ZBTB40: variants seen among roughly 807,000 people sequenced by gnomAD.
ZBTB40 encodes the protein zinc finger and BTB domain-containing protein 40.
A neutral mutation model predicts 117.5 loss-of-function variants in ZBTB40; 60 were observed. The ratio of observed to expected loss-of-function variants is 0.51; its 90% CI spans 0.41 to 0.63. ZBTB40 has a LOEUF of 0.63. Among genes scored for constraint, ZBTB40 ranks in the 30% least tolerant of loss-of-function variants. The pLI is 0.00. For missense variants in ZBTB40, 1,287 were observed against 1,498.5 expected, an observed-to-expected ratio of 0.86 and a Z score of 2.33; for synonymous variants, 525 against 577.1, an observed-to-expected ratio of 0.91 and a Z score of 1.29.
In ZBTB40 at chr1:22,517,296, G is replaced by C; in HGVS notation, c.2669-4G>C. The stretch of plus-strand genomic sequence containing the variant: ...GACTCTAATAAGCTCCTGTGTATTT[G>C]CAGGGAAAATGTATGCATGCCAGTA... On this transcript the variant is annotated splice_region_variant and splice_polypyrimidine_tract_variant and intron_variant, in intron 12 of 17. Coordinates refer to ENST00000375647, the MANE Select transcript of ZBTB40 (RefSeq NM_014870.4). 1 of 1,613,978 alleles carries C rather than the reference G, an allele frequency of 6.2e-7. No homozygotes were observed. The highest frequency in any genetic ancestry group is 8.5e-7 in the Non-Finnish European group (1 of 1,180,022).
intron 1 of ZBTB40, among the ~76,000 whole-genome samples, chr1:22,469,996 G>C (rs1471893524): frequency 6.6e-6 from 1 of 152,180 alleles, no homozygotes; most frequent in African/African-American, 2.4e-5. Context: ...TGATAAACAG[G>C]CTGTATAACC....
chr1:22,496,287 C>T (rs1010154049), intron 3 of ZBTB40, among the ~76,000 whole-genome samples: 3 of 152,184 alleles, frequency 2.0e-5, no homozygotes, highest in African/African-American at 7.2e-5. Flanking sequence ...GGGAATTTCA[C>T]TGGGGATTCA....
At position 22,491,380 on chromosome 1, in the gene ZBTB40, T is replaced by G. The variant is rs778074628; in HGVS notation, c.698-20T>G. 1.2e-6 allele frequency: 2 copies of G among 1,612,998 alleles called. No homozygotes were observed. The highest frequency in any genetic ancestry group is 8.5e-7 in the Non-Finnish European group (1 of 1,179,550). On this transcript the variant is annotated intron_variant, in intron 2 of 17. Coordinates refer to ENST00000375647, the MANE Select transcript of ZBTB40 (RefSeq NM_014870.4). Reference sequence around the variant, plus strand: ...TCAAGTAATGAATTTCTGATTTGTTTTATTTTGTTCTACATTTAGGATGTG... The same window carrying G: ...TCAAGTAATGAATTTCTGATTTGTTGTATTTTGTTCTACATTTAGGATGTG...
chr1:22,492,472 G>A (rs1200604214), intron 3 of ZBTB40, among the ~76,000 whole-genome samples: 1 of 152,176 alleles, frequency 6.6e-6, no homozygotes, highest in Non-Finnish European at 1.5e-5. Flanking sequence ...TTTTCTCCCA[G>A]CCCTGCTTCC....
In ZBTB40 at chr1:22,512,081, A is replaced by G. The variant is rs772279060; in HGVS notation, c.2408A>G (p.Lys803Arg). Residue 803 changes from lysine to arginine, a missense_variant, in exon 11 of 18, where the codon AAG (lysine) becomes AGG (arginine). Physicochemically the swap from Lys to Arg is conservative, Grantham distance 26. This residue lies in a region of ZBTB40 where 417 missense variants were observed against 564.1 expected (regional missense o/e 0.74). Transcript: ENST00000375647. ...GEPDAPKKKKKRLPVTCDLCG... is the reference protein window; with the variant it reads ...GEPDAPKKKKRRLPVTCDLCG... ...CCCGATGCCCCCAAGAAGAAGAAGA[A>G]GAGGCTTCCAGTGACATGTGACCTC... 1 of 1,613,836 alleles carries G rather than the reference A, an allele frequency of 6.2e-7. No individual in the cohort carries two copies.
chr1:22,492,623 A>G (rs1052136709), intron 3 of ZBTB40, among the ~76,000 whole-genome samples: 4 of 152,212 alleles, frequency 2.6e-5, no homozygotes, highest in African/African-American at 9.6e-5. Flanking sequence ...CATGCCTTCT[A>G]ATAATTAAAT....
intron 15 of ZBTB40, 140 bp downstream of exon 15, chr1:22,521,798 C>G (rs1318907318): frequency 4.0e-6 from 5 of 1,260,280 alleles, no homozygotes; most frequent in Non-Finnish European, 5.7e-6. Context: ...GCGCACCTGT[C>G]CGTAGCAGCA....
rs775372032 is a variant in ZBTB40, at chr1:22,511,191, C to T, written c.1846C>T (p.Pro616Ser). The change falls in exon 10 of 18, where the codon CCC (proline) becomes TCC (serine). Residue 616 changes from proline to serine, a missense_variant. Transcript: ENST00000375647. The stretch of plus-strand genomic sequence containing the variant: ...GGTATTCATTTAGATTCTGAGCATT[C>T]CCTCTGAGACAGCCAGCCCTGAAGC... ...AETVKEILSI[P>S]SETASPEASL... 1.9e-6 allele frequency: 3 copies of T among 1,612,968 alleles called. No individual in the cohort carries two copies. The South Asian group carries it at 3.3e-5, about 18-fold the overall frequency.
chr1:22,448,137 A>G (rs1640810468), upstream of ZBTB40, among the ~76,000 whole-genome samples: 1 of 152,226 alleles, frequency 6.6e-6, no homozygotes, highest in Non-Finnish European at 1.5e-5. Context: ...AAACTGAGGA[A>G]AGAACCAGCT....
At chr1:22,439,927 C>T (rs1236291959) in intron 1 of ZBTB40, among the ~76,000 whole-genome samples, 1 of 152,152 alleles carries the variant, frequency 6.6e-6, no homozygotes, top group East Asian at 1.9e-4. Context: ...ATATTAACAT[C>T]TTAGCAATAC....
intron 5 of ZBTB40, among the ~76,000 whole-genome samples, chr1:22,502,884 A>C (rs1247946546): frequency 2.6e-5 from 4 of 152,216 alleles, no homozygotes; most frequent in African/African-American, 9.7e-5. Flanking sequence ...CATTTGGAAT[A>C]TGTAGAAAAT....
At chr1:22,511,478 AC>A in intron 10 of ZBTB40, 131 bp downstream of exon 10, 2 of 1,368,804 alleles carry the variant, frequency 1.5e-6, no homozygotes, top group Non-Finnish European at 2.0e-6. Flanking sequence ...TGCTCTGAAT[AC>A]CTAAAAAAGT....
chr1:22,438,092 T>A (rs1640693297), intron 1 of ZBTB40, among the ~76,000 whole-genome samples: 1 of 152,076 alleles, frequency 6.6e-6, no homozygotes, highest in South Asian at 2.1e-4. Context: ...ATCGCACCAC[T>A]GTACTCCAGC....
intron 1 of ZBTB40, among the ~76,000 whole-genome samples, chr1:22,430,006 A>T (rs1640557196): frequency 6.6e-6 from 1 of 152,216 alleles, no homozygotes; most frequent in Non-Finnish European, 1.5e-5. Context: ...TCAAAAAAAT[A>T]AAAAAAGTAT....
chr1:22,487,672 T>C (rs1638508486), intron 1 of ZBTB40, among the ~76,000 whole-genome samples: 1 of 152,002 alleles, frequency 6.6e-6, no homozygotes, highest in South Asian at 2.1e-4. Flanking sequence ...TTTCTCCTGA[T>C]CTCCTGCAAT....
intron 3 of ZBTB40, 113 bp downstream of exon 3, chr1:22,491,646 A>ATTTT: frequency 1.6e-5 from 16 of 974,332 alleles, no homozygotes; most frequent in Middle Eastern, 2.4e-4. Flanking sequence ...TGAAACTTTA[A>ATTTT]TTTTTTTTTT....
chr1:22,498,633 T>C (rs1638844251), intron 3 of ZBTB40, among the ~76,000 whole-genome samples: 1 of 152,234 alleles, frequency 6.6e-6, no homozygotes, highest in South Asian at 2.1e-4. Flanking sequence ...TGCTGAGTAG[T>C]TCTGCAGAGA....
At chr1:22,470,357 G>A (rs963386570) in intron 1 of ZBTB40, among the ~76,000 whole-genome samples, 3 of 152,194 alleles carry the variant, frequency 2.0e-5, no homozygotes, top group Non-Finnish European at 4.4e-5. Context: ...GGAAGGGAGA[G>A]TAGTAACAAG....
chr1:22,438,264 G>C (rs1213746168), intron 1 of ZBTB40, among the ~76,000 whole-genome samples: 1 of 152,132 alleles, frequency 6.6e-6, no homozygotes. Context: ...TTTTATATTA[G>C]TAGGATCATA....
Sources: allele counts gnomAD v4.1 joint callset (sites outside exome capture counted in the v4.1 genomes callset), GRCh38; gene constraint gnomAD v4.1.1; regional missense constraint gnomAD v4.1.1; transcripts MANE v1.5; gene names NCBI Gene and HGNC (gene_info 2026-07-23, HGNC 2026-07-21).